Variants in PYGO1 observed in about 807,000 individuals in gnomAD.
The protein encoded by PYGO1 is pygopus homolog 1.
A neutral mutation model predicts 29.5 loss-of-function variants in PYGO1; 6 were observed. The ratio of observed to expected loss-of-function variants is 0.20; its 90% confidence interval spans 0.11 to 0.40. The LOEUF (loss-of-function observed/expected upper bound fraction) is 0.40, where lower values mean the gene tolerates loss of function less well. PYGO1 is among the 10% of genes least tolerant of loss of function. The pLI, the probability that PYGO1 is intolerant of heterozygous loss-of-function variation, is 1.00. For synonymous variants in PYGO1, 186 were observed against 180.5 expected, an observed-to-expected ratio of 1.03 and a Z score of -0.24; for missense variants, 515 against 514.9, an observed-to-expected ratio of 1.00 and a Z score of 0.00.
chr15:55,559,069 T>G (rs1177171845), intron 1 of PYGO1, among the ~76,000 whole-genome samples: 4 of 151,996 alleles, frequency 2.6e-5, no homozygotes, highest in Non-Finnish European at 5.9e-5. Context: ...GGGAGAAAAT[T>G]TTTGCAATCT....
rs2058821849 is a variant in PYGO1, at chr15:55,539,867, CTGACATAG to C, written c.*6148_*6155del. 6.6e-6 allele frequency: 1 copy of C among 151,990 alleles called. No individual in the cohort carries two copies. Among genetic ancestry groups the C allele is most frequent in the Admixed American group, 6.6e-5 (1 of 15,252 alleles). 9.4% of individuals were successfully genotyped at this position (151,990 alleles called of 1,614,324 possible). On this transcript the variant is annotated 3_prime_UTR_variant, in exon 3 of 3. Coordinates refer to ENST00000563719, the MANE Select transcript of PYGO1 (RefSeq NM_001367806.1). ...GGTAGACATTTTGTAATATACATCACTGACATAGTAAAACCTTATTAAGGATAATTTAA... is the reference window on the plus strand; with the variant it reads ...GGTAGACATTTTGTAATATACATCACTAAAACCTTATTAAGGATAATTTAA...
chr15:55,581,365 A>C (rs28655042), intron 1 of PYGO1, among the ~76,000 whole-genome samples: 17,092 of 152,232 alleles, frequency 0.11, 1,854 homozygotes, highest in East Asian at 0.38. Context: ...AAATAGGGAA[A>C]GCACTTCATG....
Position 55,585,850 on chromosome 15 carries a change from C to A in PYGO1, c.49+1985G>T, listed in dbSNP as rs79922860. 4.9e-3 allele frequency among the ~76,000 whole-genome samples: 753 copies of A among 152,250 alleles called. 21 individuals carry two copies. In the East Asian group the frequency reaches 0.067, roughly 14 times the overall value. ...TAATAGTAGGCAAAATTATACAGCA[C>A]AAATATCAGGGGAATAATTGTATCT... On this transcript the variant is annotated intron_variant, in intron 1 of 2. Coordinates refer to ENST00000563719, the MANE Select transcript of PYGO1 (RefSeq NM_001367806.1).
chr15:55,578,876 GTTAA>G (rs1405153166), intron 1 of PYGO1, among the ~76,000 whole-genome samples: 1 of 152,004 alleles, frequency 6.6e-6, no homozygotes, highest in African/African-American at 2.4e-5. Flanking sequence ...TTCTTCTTTG[GTTAA>G]TTGAGTAAAA....
intron 1 of PYGO1, among the ~76,000 whole-genome samples, chr15:55,552,679 G>A (rs1448201485): frequency 1.3e-5 from 2 of 152,082 alleles, no homozygotes; most frequent in Non-Finnish European, 2.9e-5. Flanking sequence ...GGATCTCCTC[G>A]TGAGCCCATG....
intron 1 of PYGO1, among the ~76,000 whole-genome samples, chr15:55,556,382 AC>A (rs2058905067): frequency 6.6e-6 from 1 of 152,160 alleles, no homozygotes; most frequent in Admixed American, 6.6e-5. Flanking sequence ...AAACTGAACA[AC>A]CTGCTCCTGA....
At chr15:55,582,077 C>T (rs978521858) in intron 1 of PYGO1, among the ~76,000 whole-genome samples, 10 of 151,708 alleles carry the variant, frequency 6.6e-5, no homozygotes, top group East Asian at 1.9e-4. Flanking sequence ...CGTGGTGGCA[C>T]GTGCCTATAA....
chr15:55,568,590 T>G (rs976558067), intron 1 of PYGO1, among the ~76,000 whole-genome samples: 2 of 152,126 alleles, frequency 1.3e-5, no homozygotes, highest in Non-Finnish European at 2.9e-5. Flanking sequence ...TGCCTTTTCT[T>G]TCTCTTGCCT....
intron 1 of PYGO1, among the ~76,000 whole-genome samples, chr15:55,576,411 C>G (rs374268931): frequency 4.3e-5 from 5 of 115,518 alleles, no homozygotes; most frequent in African/African-American, 1.4e-4. Flanking sequence ...AGCCGAGATC[C>G]CGCCACTGCA....
At chr15:55,579,009 C>T (rs979930885) in intron 1 of PYGO1, among the ~76,000 whole-genome samples, 1 of 152,096 alleles carries the variant, frequency 6.6e-6, no homozygotes, top group Non-Finnish European at 1.5e-5. Flanking sequence ...ATTAAAAGAA[C>T]TTCTATATTT....
chr15:55,577,765 CTT>C (rs71105898), intron 1 of PYGO1, among the ~76,000 whole-genome samples: 3 of 120,738 alleles, frequency 2.5e-5, no homozygotes, highest in Admixed American at 9.3e-5. Flanking sequence ...TACTAATCTA[CTT>C]TTTTTTTTTT....
intron 1 of PYGO1, among the ~76,000 whole-genome samples, chr15:55,575,251 T>C (rs1248472885): frequency 2.0e-5 from 3 of 152,184 alleles, no homozygotes; most frequent in Admixed American, 6.5e-5. Context: ...AAGATTCTGA[T>C]TGAGTAGTTC....
intron 1 of PYGO1, among the ~76,000 whole-genome samples, chr15:55,584,690 A>C (rs2059039408): frequency 6.6e-6 from 1 of 152,236 alleles, no homozygotes; most frequent in Non-Finnish European, 1.5e-5. Context: ...GGCAAGGCAA[A>C]TAAGATAATC....
At chr15:55,557,486 C>A (rs1178979052) in intron 1 of PYGO1, among the ~76,000 whole-genome samples, 1 of 152,200 alleles carries the variant, frequency 6.6e-6, no homozygotes, top group African/African-American at 2.4e-5. Context: ...CTCCCCAACT[C>A]ATTTTACCGG....
chr15:55,574,657 TG>T (rs1397017935), intron 1 of PYGO1, among the ~76,000 whole-genome samples: 5 of 133,186 alleles, frequency 3.8e-5, no homozygotes, highest in African/African-American at 1.4e-4. Flanking sequence ...TATGTGTGTG[TG>T]TGTGTGTGTG....
At chr15:55,554,058 G>A (rs2058892155) in intron 1 of PYGO1, among the ~76,000 whole-genome samples, 4 of 152,152 alleles carry the variant, frequency 2.6e-5, no homozygotes, top group Admixed American at 2.6e-4. Flanking sequence ...AGCAAAGGTA[G>A]ATAAGCCCAA....
rs539720395 is a variant in PYGO1, at chr15:55,545,725, C to T, written c.*298G>A. The T allele has an allele frequency of 6.1e-4, 140 of 228,204 alleles. No homozygotes were observed. The highest frequency in any genetic ancestry group is 2.9e-3 in the African/African-American group (130 of 44,238). 14.1% of individuals were successfully genotyped at this position (228,204 alleles called of 1,614,324 possible). ...TGATTCTAACTTTTAAAAGTTAAAA[C>T]TTGCCTACATTTGTTATATATTATT... On this transcript the variant is annotated 3_prime_UTR_variant, in exon 3 of 3. Coordinates refer to ENST00000563719, the MANE Select transcript of PYGO1 (RefSeq NM_001367806.1).
chr15:55,547,199 A>T (rs767717957), intron 2 of PYGO1, 52 bp from the exon 3 acceptor site: 9 of 1,454,274 alleles, frequency 6.2e-6, no homozygotes, highest in Non-Finnish European at 8.3e-6. Context: ...ATACATTATT[A>T]AAATTGTCCT....
intron 1 of PYGO1, among the ~76,000 whole-genome samples, chr15:55,580,238 C>T (rs552881418): frequency 2.2e-4 from 34 of 152,286 alleles, no homozygotes; most frequent in Middle Eastern, 3.4e-3. Flanking sequence ...TTTGTCTTTT[C>T]CAACAAAACG....
Sources: allele counts gnomAD v4.1 joint callset (sites outside exome capture counted in the v4.1 genomes callset), GRCh38; gene constraint gnomAD v4.1.1; transcripts MANE v1.5; gene names NCBI Gene and HGNC (gene_info 2026-07-23, HGNC 2026-07-21).